Variants in ZFP62 observed in about 807,000 individuals in gnomAD.
ZFP62 encodes the protein zinc finger protein 62 homolog.
In ZFP62, 44 loss-of-function variants were observed where a neutral mutation model predicts 56.4. The ratio of observed to expected loss-of-function variants is 0.78; its 90% CI spans 0.61 to 1.00. ZFP62 has a LOEUF of 1.00. Ranked by LOEUF, ZFP62 falls within the 50% of genes least tolerant of loss-of-function variation. The pLI, the probability that ZFP62 is intolerant of heterozygous loss-of-function variation, is 0.00. For missense variants in ZFP62, 1,030 were observed against 1,085.7 expected (o/e 0.95, Z 0.72); for synonymous variants, 421 against 388.9 (o/e 1.08, Z -0.97).
chr5:180,840,769 AT>A, the ZFP62 span, among the ~76,000 whole-genome samples: 2 of 146,182 alleles, frequency 1.4e-5, no homozygotes, highest in Non-Finnish European at 3.0e-5. Flanking sequence ...CAAAAAAAAA[AT>A]AGAAGTAGCT....
intron 1 of ZFP62, among the ~76,000 whole-genome samples, chr5:180,854,401 T>C (rs970132134): frequency 2.6e-5 from 4 of 152,220 alleles, no homozygotes; most frequent in Non-Finnish European, 5.9e-5. Flanking sequence ...TACAGCAGAA[T>C]GTGAGTGCTG....
At chr5:180,831,114 T>A in the ZFP62 span, 10,682 of 152,708 alleles carry the variant, frequency 0.07, 471 homozygotes, top group African/African-American at 0.13. Flanking sequence ...AAACGCTGCC[T>A]CTGTGGAAGT....
chr5:180,845,640 C>T (rs914525686), downstream of ZFP62: 1 of 875,534 alleles, frequency 1.1e-6, no homozygotes, highest in Non-Finnish European at 1.4e-6. Context: ...TTAGCTGAAG[C>T]TGGAGAAGAG....
chr5:180,827,622 A>G, the ZFP62 span, among the ~76,000 whole-genome samples: 1 of 152,184 alleles, frequency 6.6e-6, no homozygotes, highest in Non-Finnish European at 1.5e-5. Flanking sequence ...TCCCCATGTG[A>G]TAGTCTGCAA....
chr5:180,849,408 G>A lies in ZFP62; in HGVS notation c.2087C>T (p.Pro696Leu). ...SSLINHKSTH[P>L]GRTPHTCDEC... ...ATCACATGTATGGGGTGTCCTGCCA[G>A]GGTGGGTACTCTTATGGTTAATAAG... Residue 696 changes from proline to leucine, a missense_variant, in exon 2 of 2, where the codon CCT becomes CTT. Pro to Leu is a moderately conservative substitution (Grantham distance 98). Transcript: ENST00000502412. 6.4e-7 allele frequency: 1 copy of A among 1,550,972 alleles called. No individual in the cohort carries two copies. Among genetic ancestry groups the A allele is most frequent in the Non-Finnish European group, 8.7e-7 (1 of 1,146,600 alleles).
chr5:180,861,214 C>A lies in ZFP62; in HGVS notation c.1+5G>T, dbSNP rs1343963223. 2.5e-6 allele frequency: 1 copy of A among 398,154 alleles called. No homozygotes were observed. Among genetic ancestry groups the A allele is most frequent in the African/African-American group, 2.1e-5 (1 of 48,606 alleles). 24.7% of individuals were successfully genotyped at this position (398,154 alleles called of 1,614,324 possible). ...GGGAGCGCGGGCGGCCGCGGACTCA[C>A]GTACTGGCTGTGGCGGCGCCGCGGG... is the stretch of plus-strand genomic sequence containing the variant. On this transcript the variant is annotated splice_donor_5th_base_variant and intron_variant, in intron 1 of 1. Transcript: ENST00000502412.
chr5:180,855,426 C>T (rs1773920105), intron 1 of ZFP62, among the ~76,000 whole-genome samples: 2 of 152,196 alleles, frequency 1.3e-5, no homozygotes, highest in African/African-American at 2.4e-5. Flanking sequence ...GCAGACCACA[C>T]TGCATTAGCG....
chr5:180,857,033 C>A (rs1165883096), intron 1 of ZFP62, among the ~76,000 whole-genome samples: 1 of 148,876 alleles, frequency 6.7e-6, no homozygotes, highest in African/African-American at 2.5e-5. Flanking sequence ...GGAATAGCTT[C>A]AGGAAGAGAA....
chr5:180,861,233 C>A lies in ZFP62; in HGVS notation c.-14G>T. ...GACTCACGTACTGGCTGTGGCGGCG[C>A]CGCGGGAACCCGGCCGCCAGCGGGA... On this transcript the variant is annotated 5_prime_UTR_variant, in exon 1 of 2. Coordinates refer to ENST00000502412, the MANE Select transcript of ZFP62 (RefSeq NM_001172638.2). The A allele has an allele frequency of 2.5e-6, 1 of 398,040 alleles. No homozygotes were observed. Among genetic ancestry groups the A allele is most frequent in the East Asian group, 3.6e-5 (1 of 28,034 alleles). The allele number at this position is 398,040 out of a possible 1,614,324, so 24.7% of individuals were successfully genotyped here.
At chr5:180,842,049 G>GA in the ZFP62 span, among the ~76,000 whole-genome samples, 1 of 151,930 alleles carries the variant, frequency 6.6e-6, no homozygotes, top group Non-Finnish European at 1.5e-5. Flanking sequence ...TCCGTCTCCA[G>GA]AAAAAAGGAA....
At chr5:180,852,081 T>C in intron 1 of ZFP62, 1 of 944,708 alleles carries the variant, frequency 1.1e-6, no homozygotes, top group Non-Finnish European at 1.3e-6. Flanking sequence ...AAATATATTA[T>C]TAAACGTCTA....
Position 180,849,165 on chromosome 5 carries a change from C to T in ZFP62, c.2330G>A (p.Arg777Lys). 6.4e-7 allele frequency: 1 copy of T among 1,563,664 alleles called. No individual in the cohort carries two copies. Among genetic ancestry groups the T allele is most frequent in the Non-Finnish European group, 8.7e-7 (1 of 1,154,288 alleles). The change falls in exon 2 of 2, where the codon AGG becomes AAG. Residue 777 changes from arginine to lysine, a missense_variant. By Grantham distance (26) the Arg-to-Lys change is conservative (BLOSUM62 2). Coordinates refer to ENST00000502412, the MANE Select transcript of ZFP62 (RefSeq NM_001172638.2). ...RNSSGLTVHK[R>K]IHTGEKPYEC... ...ATAGGGTTTCTCACCTGTGTGGATCCTTTTATGCACTGTGAGGCCTGAGCT... is the reference window on the plus strand; with the variant it reads ...ATAGGGTTTCTCACCTGTGTGGATCTTTTTATGCACTGTGAGGCCTGAGCT...
At chr5:180,831,495 G>C in the ZFP62 span, 16,983 of 151,958 alleles carry the variant, frequency 0.11, 1,801 homozygotes, top group African/African-American at 0.28. Flanking sequence ...CCCTGCAGCC[G>C]CCGCCTCCCG....
the ZFP62 span, among the ~76,000 whole-genome samples, chr5:180,832,239 C>T: frequency 3.9e-5 from 6 of 152,318 alleles, no homozygotes; most frequent in East Asian, 7.7e-4. Flanking sequence ...GCAGCCTCAA[C>T]CTTCCTGGAC....
chr5:180,845,744 T>TCTG (rs906206339), downstream of ZFP62: 3 of 985,312 alleles, frequency 3.0e-6, no homozygotes, highest in African/African-American at 5.2e-5. Context: ...GTCCCCAATG[T>TCTG]CTGCCTTCAG....
downstream of ZFP62, chr5:180,845,887 A>G (rs1475379748): frequency 2.0e-6 from 2 of 985,406 alleles, no homozygotes; most frequent in African/African-American, 3.5e-5. Flanking sequence ...ACAAAACATG[A>G]AATTATTTTC....
rs1222230190 is a variant in ZFP62, at chr5:180,850,877, G to A, written c.618C>T (p.Tyr206=). The A allele has an allele frequency of 1.3e-6, 2 of 1,565,710 alleles. No individual in the cohort carries two copies. Among genetic ancestry groups the A allele is most frequent in the South Asian group, 1.2e-5 (1 of 85,274 alleles). Residue 206 remains tyrosine, a synonymous_variant, in exon 2 of 2, where the codon TAC becomes TAT. Coordinates refer to ENST00000502412, the MANE Select transcript of ZFP62 (RefSeq NM_001172638.2). The stretch of plus-strand genomic sequence containing the variant: ...GGTTTATAAGGCTGGAGTAGGACAT[G>A]TAGGCTTTCCCACATTCCTCACACT... The part of the protein sequence containing the change: ...PYKCEECGKA[Y]MSYSSLINHK...
At chr5:180,857,983 T>C (rs963061719) in intron 1 of ZFP62, among the ~76,000 whole-genome samples, 39 of 151,292 alleles carry the variant, frequency 2.6e-4, no homozygotes, top group Non-Finnish European at 4.9e-4. Context: ...CCGGGTACAG[T>C]GGCTCACGCC....
Position 180,850,044 on chromosome 5 carries a change from T to G in ZFP62, c.1451A>C (p.Lys484Thr). 1 of 1,551,888 alleles carries G rather than the reference T, an allele frequency of 6.4e-7. No individual in the cohort carries two copies. Residue 484 changes from lysine (K) to threonine (T), a missense_variant, in exon 2 of 2, where the codon AAA becomes ACA. Lys to Thr is a moderately conservative substitution (Grantham distance 78). Transcript: ENST00000502412. ...EKPYKCDVCG[K>T]AYISRSSLKN... ...AAGGCTAGAGCGTGAGATATAGGCT[T>G]TCCCACACACATCACACTTATATGG...
Sources: allele counts gnomAD v4.1 joint callset (sites outside exome capture counted in the v4.1 genomes callset), GRCh38; gene constraint gnomAD v4.1.1; transcripts MANE v1.5; gene names NCBI Gene and HGNC (gene_info 2026-07-23, HGNC 2026-07-21).